The following CXCL12 variants were observed in gnomAD, a reference collection of about 807,000 sequenced individuals.
CXCL12 encodes the protein C-X-C motif chemokine ligand 12, also known as stromal cell-derived factor 1.
In CXCL12, 4 loss-of-function variants were observed where a neutral mutation model predicts 10.7. The ratio of observed to expected loss-of-function variants is 0.37; its 90% CI spans 0.18 to 0.86. CXCL12 has a LOEUF of 0.86. CXCL12 is among the 40% of genes least tolerant of loss of function. The probability of loss-of-function intolerance (pLI) is 0.43; values close to 1 mark genes in which losing one functional copy is unlikely to be tolerated. For synonymous variants in CXCL12, 54 were observed against 45.4 expected (o/e 1.19, Z -0.77); for missense variants, 122 against 110.4 (o/e 1.10, Z -0.47).
intron 2 of CXCL12, among the ~76,000 whole-genome samples, chr10:44,380,125 G>A (rs929158079): frequency 6.6e-6 from 1 of 152,210 alleles, no homozygotes; most frequent in African/African-American, 2.4e-5. Context: ...TCAAGCACAT[G>A]GCTTTCTTCC....
chr10:44,373,167 C>T (rs1839358029), downstream of CXCL12: 2 of 1,538,278 alleles, frequency 1.3e-6, no homozygotes, highest in Non-Finnish European at 1.8e-6. Context: ...ATGTATTTTG[C>T]TACATAATCA....
Position 44,383,615 on chromosome 10 carries a change from G to C in CXCL12, c.61+1330C>G, listed in dbSNP as rs866389924. 8.4e-4 allele frequency among the ~76,000 whole-genome samples: 116 copies of C among 137,656 alleles called. 16 individuals are homozygous for C. The highest frequency in any genetic ancestry group is 5.1e-3 in the South Asian group (19 of 3,704). The allele number at this position is 137,656 out of a possible 152,430, so 90.3% of individuals were successfully genotyped here. A position where few individuals can be genotyped will look rare whatever the true frequency, so the allele number is the denominator to read the frequency against. On this transcript the variant is annotated intron_variant, in intron 1 of 2. Transcript: ENST00000343575. ...AAACATGCCCCATGACTTGCGGGGG[G>C]GGGGGGGGGTCAGTGTGCAGACACA...
chr10:44,380,975 C>T, intron 1 of CXCL12, 95 bp from the exon 2 acceptor site: 1 of 966,118 alleles, frequency 1.0e-6, no homozygotes, highest in Non-Finnish European at 1.7e-6. Context: ...GATTAAGGAT[C>T]AAGAGACGGC....
At chr10:44,378,995 T>C (rs1839548385) in intron 2 of CXCL12, among the ~76,000 whole-genome samples, 1 of 151,992 alleles carries the variant, frequency 6.6e-6, no homozygotes, top group African/African-American at 2.4e-5. Flanking sequence ...TGAGCTGCCT[T>C]TGAAGGATAA....
intron 1 of CXCL12, among the ~76,000 whole-genome samples, chr10:44,383,612 G>GTT (rs1564464508): frequency 1.1e-5 from 1 of 91,450 alleles, no homozygotes; most frequent in Non-Finnish European, 2.4e-5. Context: ...TGACTTGCGG[G>GTT]GGGGGGGGGG....
At position 44,377,682 on chromosome 10, in the gene CXCL12, G is replaced by T. The variant is rs1245121052; in HGVS notation, c.*951C>A. On this transcript the variant is annotated 3_prime_UTR_variant, in exon 3 of 3. Coordinates refer to ENST00000343575, the MANE Select transcript of CXCL12 (RefSeq NM_199168.4). ...CACAAAACCCAGTCACTCAAAGCGAGCTCTCAGATTTAAAATTGCATTTGA... is the reference window on the plus strand; with the variant it reads ...CACAAAACCCAGTCACTCAAAGCGATCTCTCAGATTTAAAATTGCATTTGA... The T allele has an allele frequency of 6.3e-7, 1 of 1,585,888 alleles. No individual in the cohort carries two copies.
At chr10:44,380,660 T>C (rs1839602527) in intron 2 of CXCL12, 103 bp downstream of exon 2, 1 of 1,007,634 alleles carries the variant, frequency 9.9e-7, no homozygotes, top group African/African-American at 1.6e-5. Flanking sequence ...GGTTGGACAC[T>C]TGGCTTGTCA....
At chr10:44,376,707 C>G (rs931638509), downstream of CXCL12, among the ~76,000 whole-genome samples, 2 of 152,102 alleles carry the variant, frequency 1.3e-5, no homozygotes, top group African/African-American at 2.4e-5. Context: ...GTGAGGCCAC[C>G]TGTCCCTGTG....
chr10:44,373,744 G>A (rs181132634), downstream of CXCL12, among the ~76,000 whole-genome samples: 100 of 152,266 alleles, frequency 6.6e-4, 1 homozygote, highest in Middle Eastern at 0.017. Context: ...AGGCACTTTC[G>A]TGGCTTCCAG....
rs371480399 is a variant in CXCL12, at chr10:44,380,715, G to A, written c.179+48C>T. On this transcript the variant is annotated intron_variant, in intron 2 of 2. Transcript: ENST00000343575. Reference sequence around the variant, plus strand: ...ACTCGGGTTAGATGTTACTATGTTCGTTAGATGCAACTATGTTCGTTAGAT... The same window carrying A: ...ACTCGGGTTAGATGTTACTATGTTCATTAGATGCAACTATGTTCGTTAGAT... 44 of 1,477,156 alleles carry A rather than the reference G, an allele frequency of 3.0e-5. No individual in the cohort carries two copies. The African/African-American group carries it at 4.4e-4, about 15-fold the overall frequency. The allele number at this position is 1,477,156 out of a possible 1,614,324, so 91.5% of individuals were successfully genotyped here.
At position 44,385,029 on chromosome 10, in the gene CXCL12, G is replaced by A. The variant is rs781207421; in HGVS notation, c.-24C>T. 8.1e-5 allele frequency: 52 copies of A among 641,396 alleles called. No individual in the cohort carries two copies. The highest frequency in any genetic ancestry group is 1.4e-4 in the Admixed American group (5 of 36,972). 39.7% of individuals were successfully genotyped at this position (641,396 alleles called of 1,614,324 possible). Reference sequence around the variant, plus strand: ...ATGGCGCGGGCGGGCGGGCGGGCGGGCGGACGAGCGCGGGTCGGGGGCCGG... The same window carrying A: ...ATGGCGCGGGCGGGCGGGCGGGCGGACGGACGAGCGCGGGTCGGGGGCCGG... On this transcript the variant is annotated 5_prime_UTR_variant, in exon 1 of 3. Transcript: ENST00000343575.
intron 1 of CXCL12, among the ~76,000 whole-genome samples, chr10:44,384,505 C>G (rs1006818662): frequency 2.0e-5 from 3 of 152,216 alleles, no homozygotes; most frequent in Non-Finnish European, 4.4e-5. Flanking sequence ...GCGCTCTCGC[C>G]ATGCACCGCC....
At chr10:44,375,543 C>T (rs1839427564), downstream of CXCL12, among the ~76,000 whole-genome samples, 1 of 152,262 alleles carries the variant, frequency 6.6e-6, no homozygotes, top group African/African-American at 2.4e-5. Context: ...CACAGGAATG[C>T]AGACTGCAAG....
At chr10:44,384,516 C>A (rs1222224030) in intron 1 of CXCL12, among the ~76,000 whole-genome samples, 2 of 152,200 alleles carry the variant, frequency 1.3e-5, no homozygotes. Flanking sequence ...ATGCACCGCC[C>A]GACCTCCAGC....
chr10:44,374,811 T>C (rs1839410929), downstream of CXCL12: 1 of 393,844 alleles, frequency 2.5e-6, no homozygotes, highest in South Asian at 1.9e-5. Context: ...GGTGGGCGGG[T>C]GTTTATGTGA....
chr10:44,376,913 T>TA (rs36112451), downstream of CXCL12: 12,577 of 145,188 alleles, frequency 0.087, 640 homozygotes, highest in South Asian at 0.19. Flanking sequence ...TCAATCGGGT[T>TA]AAAAAAAAAA....
In CXCL12 at chr10:44,378,060, T is replaced by C. The variant is rs1588898771; in HGVS notation, c.*573A>G. ...CAATCACTGAGGTTGAAAGAGGAGG[T>C]GAAGGCAGTGGCGGCGCCCAGCCCC... On this transcript the variant is annotated 3_prime_UTR_variant, in exon 3 of 3. Coordinates refer to ENST00000343575, the MANE Select transcript of CXCL12 (RefSeq NM_199168.4). 2.0e-6 allele frequency: 3 copies of C among 1,470,298 alleles called. No individual in the cohort carries two copies. Among genetic ancestry groups the C allele is most frequent in the Non-Finnish European group, 2.7e-6 (3 of 1,120,802 alleles). 91.1% of individuals were successfully genotyped at this position (1,470,298 alleles called of 1,614,324 possible).
Position 44,377,551 on chromosome 10 carries a change from GGGTAGT to G in CXCL12, c.*1076_*1081del. 6.9e-7 allele frequency: 1 copy of G among 1,448,744 alleles called. No homozygotes were observed. Among genetic ancestry groups the G allele is most frequent in the East Asian group, 2.5e-5 (1 of 39,282 alleles). 89.7% of individuals were successfully genotyped at this position (1,448,744 alleles called of 1,614,324 possible). A position where few individuals can be genotyped will look rare whatever the true frequency, so the allele number is the denominator to read the frequency against. ...GAAACCCTGCTGTGGCTTCAGGAGG[GGGTAGT>G]GGCAAGATGATGGTTTATTCACTGA... On this transcript the variant is annotated 3_prime_UTR_variant, in exon 3 of 3. Transcript: ENST00000343575.
At chr10:44,383,395 C>CA (rs1018580727) in intron 1 of CXCL12, among the ~76,000 whole-genome samples, 1 of 152,062 alleles carries the variant, frequency 6.6e-6, no homozygotes, top group Non-Finnish European at 1.5e-5. Flanking sequence ...GTGCTTCCCC[C>CA]AGGTCAGTTG....
Sources: gnomAD v4.1 joint callset for allele counts (sites outside exome capture counted in the v4.1 genomes callset) on GRCh38, gnomAD v4.1.1 for gene constraint, MANE v1.5 for transcripts, NCBI Gene and HGNC (gene_info 2026-07-23, HGNC 2026-07-21) for gene names.